The following CUX1 variants were observed in gnomAD, a reference collection of about 807,000 sequenced individuals.
CUX1 encodes cut like homeobox 1, also known as protein CASP.
In CUX1, 31 loss-of-function variants were observed where a neutral mutation model predicts 158.8. That is an observed-to-expected ratio of 0.20 (90% CI 0.15 to 0.26). The LOEUF (loss-of-function observed/expected upper bound fraction) is 0.26, where lower values mean the gene tolerates loss of function less well. Among genes scored for constraint, CUX1 ranks in the 10% least tolerant of loss-of-function variants. CUX1 has a pLI of 1.00. For synonymous variants in CUX1, 879 were observed against 862.1 expected (o/e 1.02, Z -0.34); for missense variants, 1,589 against 2,014.6 (o/e 0.79, Z 4.04).
rs1268249619 is a variant in CUX1 at position 102,258,186 on chromosome 7, G to A, written c.*9144G>A. The A allele has an allele frequency of 1.0e-6, 1 of 984,882 alleles. No individual in the cohort carries two copies. The highest frequency in any genetic ancestry group is 1.1e-4 in the East Asian group (1 of 8,810). The allele number at this position is 984,882 out of a possible 1,614,324, so 61.0% of individuals were successfully genotyped here. A position where few individuals can be genotyped will look rare whatever the true frequency, so the allele number is the denominator to read the frequency against. ...TCACACCATGTATTATTATTCACTA[G>A]CACCCTAGGTGTGATAATTGAAGTA... On this transcript the variant is annotated 3_prime_UTR_variant, in exon 24 of 24. Transcript: ENST00000292535.
At chr7:102,103,894 A>G (rs577340215) in intron 5 of CUX1, among the ~76,000 whole-genome samples, 18 of 152,184 alleles carry the variant, frequency 1.2e-4, no homozygotes, top group African/African-American at 4.1e-4. Flanking sequence ...TCTTGACTCC[A>G]CTTCGATTGC....
Position 102,006,891 on chromosome 7 carries a change from C to T in CUX1, c.142-21207C>T, listed in dbSNP as rs1471545491. 4.6e-5 allele frequency among the ~76,000 whole-genome samples: 7 copies of T among 152,248 alleles called. No homozygotes were observed. In the South Asian group the frequency reaches 6.2e-4, roughly 13 times the overall value. Reference sequence around the variant, plus strand: ...AGCAAGAAGCCGTCCCCGCCCACCACGGTGCAGGCCGGGATGCAGCGGAAA... The same window carrying T: ...AGCAAGAAGCCGTCCCCGCCCACCATGGTGCAGGCCGGGATGCAGCGGAAA... On this transcript the variant is annotated intron_variant, in intron 2 of 23. Transcript: ENST00000292535.
intron 8 of CUX1, among the ~76,000 whole-genome samples, chr7:102,141,789 A>ATTTTTTTTTTTTTTTTTTTTTTTTTTT (rs71123009): frequency 1.9e-5 from 2 of 102,578 alleles, no homozygotes; most frequent in Non-Finnish European, 1.9e-5. Flanking sequence ...CTCTCAGCTA[A>ATTTTTTTTTTTTTTTTTTTTTTTTTTT]TTTTTTTTTT....
chr7:102,220,678 G>T (rs552399034), intron 20 of CUX1, among the ~76,000 whole-genome samples: 2 of 152,200 alleles, frequency 1.3e-5, no homozygotes, highest in Non-Finnish European at 2.9e-5. Context: ...CTCAGAGCCT[G>T]CCGTGCATCC....
chr7:102,105,183 AC>A, intron 6 of CUX1, among the ~76,000 whole-genome samples: 1 of 119,036 alleles, frequency 8.4e-6, no homozygotes, highest in Non-Finnish European at 1.8e-5. Flanking sequence ...TATTACACAC[AC>A]ACACACACAC....
chr7:101,849,173 C>T (rs924849461), intron 1 of CUX1, among the ~76,000 whole-genome samples: 5 of 151,892 alleles, frequency 3.3e-5, no homozygotes, highest in Admixed American at 6.6e-5. Context: ...TTCTATTTCA[C>T]GTCATTGTTC....
At chr7:101,895,382 C>T (rs1801359471) in intron 1 of CUX1, among the ~76,000 whole-genome samples, 1 of 152,062 alleles carries the variant, frequency 6.6e-6, no homozygotes, top group Non-Finnish European at 1.5e-5. Context: ...TGGTAAGGGC[C>T]ATTGGGAAAC....
intron 3 of CUX1, among the ~76,000 whole-genome samples, chr7:102,063,700 C>T (rs1314715177): frequency 6.6e-6 from 1 of 152,074 alleles, no homozygotes; most frequent in African/African-American, 2.4e-5. Flanking sequence ...GTCAAGAACC[C>T]TTTACATATT....
At position 102,248,317 on chromosome 7, in the gene CUX1, A is replaced by T. The variant is rs1157080753; in HGVS notation, c.3888-95A>T. On this transcript the variant is annotated intron_variant, in intron 23 of 23. Coordinates refer to ENST00000292535, the MANE Select transcript of CUX1 (RefSeq NM_181552.4). This position sits in a 1 kb window ranked among gnomAD's most constrained non-coding sequence, Gnocchi z 5.8. ...GAGGGGCCTCCAGGCTGGACGGAGC[A>T]GGAGCCCCAGAGAGAGGGGTCTGGC... The T allele has an allele frequency of 1.7e-6, 2 of 1,190,850 alleles. No individual in the cohort carries two copies. The highest frequency in any genetic ancestry group is 2.3e-6 in the Non-Finnish European group (2 of 868,954). 73.8% of individuals were successfully genotyped at this position (1,190,850 alleles called of 1,614,324 possible).
chr7:102,255,822 C>CT lies in CUX1; in HGVS notation c.*6786dup. 2 of 983,664 alleles carry CT rather than the reference C, an allele frequency of 2.0e-6. No homozygotes were observed. The highest frequency in any genetic ancestry group is 9.4e-5 in the South Asian group (2 of 21,240). The allele number at this position is 983,664 out of a possible 1,614,324, so 60.9% of individuals were successfully genotyped here. On this transcript the variant is annotated 3_prime_UTR_variant, in exon 24 of 24. Coordinates refer to ENST00000292535, the MANE Select transcript of CUX1 (RefSeq NM_181552.4). The stretch of plus-strand genomic sequence containing the variant: ...TCTTTTTTCCCCCCTTTTCCTTCTT[C>CT]TTTTTTATTATTTTATTATTTTTTT...
At position 102,239,358 on chromosome 7, in the gene CUX1, C is replaced by A; in HGVS notation, c.3661C>A (p.Gln1221Lys). The A allele has an allele frequency of 6.2e-7, 1 of 1,611,962 alleles. No homozygotes were observed. The highest frequency in any genetic ancestry group is 1.7e-5 in the Admixed American group (1 of 60,008). Residue 1221 changes from glutamine to lysine, a missense_variant, in exon 23 of 24, where the codon CAG (glutamine) becomes AAG (lysine). Gln to Lys is a moderately conservative substitution (Grantham distance 53, BLOSUM62 1). Around this residue, in one of 8 missense-constraint regions of CUX1, gnomAD observed 259 missense variants for 373.8 expected, o/e 0.69. Transcript: ENST00000292535. ...KRRHSSVSDS[Q>K]PCEPPSVGTE... ...GCGGCACAGCTCAGTCAGTGACAGC[C>A]AGCCCTGCGAACCGCCCTCTGTCGG...
intron 1 of CUX1, among the ~76,000 whole-genome samples, chr7:101,911,153 C>T (rs924390608): frequency 2.5e-4 from 38 of 152,290 alleles, no homozygotes; most frequent in Non-Finnish European, 4.4e-4. Context: ...TGGCCTGCCC[C>T]TGCAGTGGAC....
At chr7:101,913,456 C>T (rs563322164) in intron 1 of CUX1, 25 of 1,204,704 alleles carry the variant, frequency 2.1e-5, no homozygotes, top group Middle Eastern at 2.3e-4. Context: ...CACCTTGCAC[C>T]GGGCCACCTG....
intron 9 of CUX1, among the ~76,000 whole-genome samples, chr7:102,163,050 A>G (rs1554507673): frequency 6.6e-6 from 1 of 152,164 alleles, no homozygotes; most frequent in East Asian, 1.9e-4. Context: ...CTACAGGTGA[A>G]CCCATTGGCA....
intron 9 of CUX1, among the ~76,000 whole-genome samples, chr7:102,165,608 G>A (rs1790940626): frequency 1.3e-5 from 2 of 152,156 alleles, no homozygotes; most frequent in South Asian, 4.2e-4. Flanking sequence ...CAAGTGATCT[G>A]CCCACCTCAG....
intron 2 of CUX1, among the ~76,000 whole-genome samples, chr7:102,009,072 A>G (rs1419603344): frequency 6.6e-6 from 1 of 152,194 alleles, no homozygotes; most frequent in Non-Finnish European, 1.5e-5. Context: ...CCTGCCAGCC[A>G]CAGCGGTTCC....
chr7:102,281,818 C>T (rs782707922), intron 20 of CUX1: 12 of 1,575,930 alleles, frequency 7.6e-6, no homozygotes, highest in Non-Finnish European at 1.0e-5. Flanking sequence ...CCCATCCCCA[C>T]TCACCCCCTC....
chr7:102,203,159 G>T (rs1235052174), intron 18 of CUX1, among the ~76,000 whole-genome samples: 3 of 152,106 alleles, frequency 2.0e-5, no homozygotes, highest in Non-Finnish European at 4.4e-5. Context: ...TCGAGTCAGG[G>T]TTTCACCATG....
intron 1 of CUX1, among the ~76,000 whole-genome samples, chr7:101,827,751 T>G (rs1793512538): frequency 6.6e-6 from 1 of 152,196 alleles, no homozygotes; most frequent in South Asian, 2.1e-4. Flanking sequence ...TGAAGTAAGC[T>G]AAAGAAAATG....
Sources: allele counts gnomAD v4.1 joint callset (sites outside exome capture counted in the v4.1 genomes callset), GRCh38; gene constraint gnomAD v4.1.1; regional missense constraint gnomAD v4.1.1; non-coding constraint Gnocchi (gnomAD v3.1); transcripts MANE v1.5; gene names NCBI Gene and HGNC (gene_info 2026-07-23, HGNC 2026-07-21).